KLF12: variants seen among roughly 807,000 people sequenced by gnomAD.
The protein encoded by KLF12 is Krueppel-like factor 12.
KLF12 carries 9 observed loss-of-function variants against 37.8 expected under a neutral mutation model. That is an observed-to-expected ratio of 0.24 (90% CI 0.14 to 0.42). The LOEUF (loss-of-function observed/expected upper bound fraction) is 0.42, where lower values mean the gene tolerates loss of function less well. KLF12 is among the 10% of genes least tolerant of loss of function. KLF12 has a pLI of 1.00. For missense variants in KLF12, 411 were observed against 516.0 expected (o/e 0.80, Z 1.97); for synonymous variants, 208 against 202.1 (o/e 1.03, Z -0.25).
intron 2 of KLF12, among the ~76,000 whole-genome samples, chr13:73,959,627 A>G (rs1347785947): frequency 6.6e-6 from 1 of 151,912 alleles, no homozygotes; most frequent in Non-Finnish European, 1.5e-5. Flanking sequence ...AATATAGTAC[A>G]TGTATATGGT....
At chr13:74,249,582 A>G in the KLF12 span, among the ~76,000 whole-genome samples, 2 of 152,138 alleles carry the variant, frequency 1.3e-5, no homozygotes, top group African/African-American at 2.4e-5. Context: ...AGAGTTGGGG[A>G]AAAATGACAA....
chr13:73,768,725 T>A lies in KLF12; in HGVS notation c.807-3725A>T, dbSNP rs114560689. The stretch of plus-strand genomic sequence containing the variant: ...CATGCTAAATAATTAAGACATATTA[T>A]CTTAATTTATCCTCATGTCATTACT... On this transcript the variant is annotated intron_variant, in intron 5 of 7. Transcript: ENST00000377669. 4.6e-3 allele frequency among the ~76,000 whole-genome samples: 704 copies of A among 152,304 alleles called. 5 individuals are homozygous for A. The highest frequency in any genetic ancestry group is 0.015 in the African/African-American group (632 of 41,560).
intron 6 of KLF12, among the ~76,000 whole-genome samples, chr13:73,725,868 TTTATTTATTTA>T: frequency 2.0e-5 from 3 of 150,986 alleles, no homozygotes; most frequent in Admixed American, 2.0e-4. Context: ...TATTTATTTA[TTTATTTATTTA>T]TTTTTTGAGA....
intron 4 of KLF12, among the ~76,000 whole-genome samples, chr13:73,823,645 A>C (rs1181719492): frequency 6.6e-6 from 1 of 152,224 alleles, no homozygotes; most frequent in Non-Finnish European, 1.5e-5. Flanking sequence ...AGAATTATTT[A>C]TATACATACT....
At chr13:74,293,435 G>C in the KLF12 span, among the ~76,000 whole-genome samples, 1 of 152,098 alleles carries the variant, frequency 6.6e-6, no homozygotes, top group African/African-American at 2.4e-5. Flanking sequence ...GTAAATGCAG[G>C]ATATAATAGT....
intron 1 of KLF12, among the ~76,000 whole-genome samples, chr13:74,062,758 C>A (rs1390418852): frequency 6.6e-6 from 1 of 152,126 alleles, no homozygotes; most frequent in African/African-American, 2.4e-5. Context: ...ATTTCTGACC[C>A]TTTTGTGTTA....
chr13:73,789,351 C>T (rs1420134120), intron 5 of KLF12, among the ~76,000 whole-genome samples: 2 of 152,126 alleles, frequency 1.3e-5, no homozygotes, highest in Non-Finnish European at 2.9e-5. Flanking sequence ...TAAATGAGCA[C>T]CCTAAGGATT....
the KLF12 span, among the ~76,000 whole-genome samples, chr13:74,207,025 C>T: frequency 5.3e-5 from 8 of 152,216 alleles, no homozygotes; most frequent in South Asian, 6.2e-4. Flanking sequence ...TTCTAGAGGC[C>T]ATGAAGTCCA....
chr13:74,191,629 T>G, the KLF12 span, among the ~76,000 whole-genome samples: 2 of 152,174 alleles, frequency 1.3e-5, no homozygotes, highest in Non-Finnish European at 2.9e-5. Context: ...GAAGAAATCA[T>G]TGTTGCATGG....
In KLF12 at chr13:74,090,322, A is replaced by G. The variant is rs1390817168; in HGVS notation, c.-32+43417T>C. 2.6e-5 allele frequency among the ~76,000 whole-genome samples: 4 copies of G among 152,168 alleles called. No individual in the cohort carries two copies. The South Asian group carries it at 6.2e-4, about 24-fold the overall frequency. On this transcript the variant is annotated intron_variant, in intron 1 of 7. Coordinates refer to ENST00000377669, the MANE Select transcript of KLF12 (RefSeq NM_007249.5). ...GAAAGAAAAAACATCCTGTATTCCC[A>G]GATTGGAAGACTCAAGATTGTTAAA...
chr13:74,062,611 T>G (rs893034880), intron 1 of KLF12, among the ~76,000 whole-genome samples: 3 of 152,226 alleles, frequency 2.0e-5, no homozygotes, highest in African/African-American at 7.2e-5. Flanking sequence ...TCTTCCACTT[T>G]GGGGTTGTTC....
At chr13:74,088,660 G>A (rs1441355584) in intron 1 of KLF12, among the ~76,000 whole-genome samples, 1 of 152,176 alleles carries the variant, frequency 6.6e-6, no homozygotes, top group Non-Finnish European at 1.5e-5. Flanking sequence ...CAGTGCTGGG[G>A]TTCTGAACAT....
chr13:74,012,796 T>C (rs1401813938), intron 1 of KLF12, among the ~76,000 whole-genome samples: 1 of 151,180 alleles, frequency 6.6e-6, no homozygotes, highest in Non-Finnish European at 1.5e-5. Flanking sequence ...CCTTTACAAC[T>C]AGCAGTACTT....
At chr13:73,697,128 G>C (rs907212439) in intron 7 of KLF12, among the ~76,000 whole-genome samples, 2 of 147,412 alleles carry the variant, frequency 1.4e-5, no homozygotes, top group Non-Finnish European at 3.0e-5. Flanking sequence ...CACACACATA[G>C]GAACATATAT....
Position 73,846,211 on chromosome 13 carries a change from C to G in KLF12, c.286G>C (p.Val96Leu). 6.2e-7 allele frequency: 1 copy of G among 1,614,074 alleles called. No individual in the cohort carries two copies. Among genetic ancestry groups the G allele is most frequent in the Non-Finnish European group, 8.5e-7 (1 of 1,180,010 alleles). ...GTCATGGAAACTGGGGAGGATGAAA[C>G]GGCAGTAGGGGACGTCCTGGCTTTG... The change falls in exon 4 of 8, where the codon GTT becomes CTT. Residue 96 changes from valine to leucine, a missense_variant. Coordinates refer to ENST00000377669, the MANE Select transcript of KLF12 (RefSeq NM_007249.5).
chr13:74,109,691 C>CT (rs1876864950), intron 1 of KLF12, among the ~76,000 whole-genome samples: 1 of 152,046 alleles, frequency 6.6e-6, no homozygotes, highest in South Asian at 2.1e-4. Flanking sequence ...AAAGACAGTT[C>CT]TTTAACATGA....
At chr13:73,723,351 T>C (rs1876417057) in intron 6 of KLF12, among the ~76,000 whole-genome samples, 1 of 152,224 alleles carries the variant, frequency 6.6e-6, no homozygotes, top group Non-Finnish European at 1.5e-5. Flanking sequence ...TATGGATTTC[T>C]GGATTATACT....
chr13:74,007,824 C>T (rs1329367652), intron 1 of KLF12, among the ~76,000 whole-genome samples: 1 of 151,316 alleles, frequency 6.6e-6, no homozygotes, highest in African/African-American at 2.4e-5. Flanking sequence ...AACATTTATA[C>T]CTGGAAATTT....
intron 5 of KLF12, among the ~76,000 whole-genome samples, chr13:73,812,388 A>T (rs1882986353): frequency 1.6e-5 from 1 of 61,506 alleles, no homozygotes; most frequent in African/African-American, 7.1e-5. Flanking sequence ...CATTCTCACA[A>T]AAAAAAAAAC....
Sources: gnomAD v4.1 joint callset for allele counts (sites outside exome capture counted in the v4.1 genomes callset) on GRCh38, gnomAD v4.1.1 for gene constraint, MANE v1.5 for transcripts, NCBI Gene and HGNC (gene_info 2026-07-23, HGNC 2026-07-21) for gene names.